AGL: variants seen among roughly 807,000 people sequenced by gnomAD.
The protein encoded by AGL is amylo-alpha-1,6-glucosidase and 4-alpha-glucanotransferase.
In AGL, 128 loss-of-function variants were observed where a neutral mutation model predicts 199.3. The ratio of observed to expected loss-of-function variants is 0.64; its 90% CI spans 0.56 to 0.74. The LOEUF (loss-of-function observed/expected upper bound fraction) is 0.74, where lower values mean the gene tolerates loss of function less well. Ranked by LOEUF, AGL falls within the 30% of genes least tolerant of loss-of-function variation. AGL has a pLI of 0.00. For missense variants in AGL, 1,809 were observed against 1,820.8 expected (o/e 0.99, Z 0.12); for synonymous variants, 584 against 594.7 (o/e 0.98, Z 0.26).
Position 99,874,777 on chromosome 1 carries a change from T to C in AGL, c.1049T>C (p.Met350Thr), listed in dbSNP as rs761122742. ...EYRRFGCTVD[M>T]NIALTTFIPH... The stretch of plus-strand genomic sequence containing the variant: ...AGACGGTTTGGCTGTACTGTAGATA[T>C]GAACATTGCACTAACGACTTTCATA... Residue 350 changes from methionine (M) to threonine (T), a missense_variant, in exon 8 of 34, where the codon ATG becomes ACG. By Grantham distance (81) the Met-to-Thr change is moderately conservative. Coordinates refer to ENST00000361915, the MANE Select transcript of AGL (RefSeq NM_000642.3). 2.2e-5 allele frequency: 35 copies of C among 1,613,824 alleles called. No homozygotes were observed. The highest frequency in any genetic ancestry group is 1.9e-4 in the South Asian group (17 of 91,082).
chr1:99,905,023 A>G (rs925428501), intron 27 of AGL, among the ~76,000 whole-genome samples: 7 of 152,196 alleles, frequency 4.6e-5, no homozygotes, highest in South Asian at 2.1e-4. Context: ...TATAGTAAGT[A>G]TATGTTTTGT....
chr1:99,900,939 TA>T, intron 26 of AGL, 78 bp downstream of exon 26: 1 of 1,236,230 alleles, frequency 8.1e-7, no homozygotes, highest in Non-Finnish European at 1.2e-6. Context: ...AATGTAAAAA[TA>T]AGGGTAATTA....
intron 2 of AGL, chr1:99,852,688 A>T (rs377021040): frequency 7.7e-6 from 6 of 780,238 alleles, no homozygotes; most frequent in Non-Finnish European, 1.4e-5. Context: ...AATTCTGAGC[A>T]TTAATTTATT....
Position 99,900,865 on chromosome 1 carries a change from A to T in AGL, c.3588+4A>T, listed in dbSNP as rs773996587. ...TCCTTTGCCTGCTGGCACACTGGTA[A>T]AGATATTTCTTAAAATGTTTTTTTG... is the stretch of plus-strand genomic sequence containing the variant. On this transcript the variant is annotated splice_donor_region_variant and intron_variant, in intron 26 of 33. Coordinates refer to ENST00000361915, the MANE Select transcript of AGL (RefSeq NM_000642.3). 19 of 1,593,912 alleles carry T rather than the reference A, an allele frequency of 1.2e-5. No individual in the cohort carries two copies. In the South Asian group the frequency reaches 2.0e-4, roughly 17 times the overall value.
At position 99,890,646 on chromosome 1, in the gene AGL, A is replaced by AT. The variant is rs201146666; in HGVS notation, c.2813-574_2813-573insT. 6.7e-4 allele frequency among the ~76,000 whole-genome samples: 75 copies of AT among 112,138 alleles called. 1 individual carries two copies. The highest frequency in any genetic ancestry group is 1.7e-3 in the Admixed American group (18 of 10,406). The allele number at this position is 112,138 out of a possible 152,430, so 73.6% of individuals were successfully genotyped here. A position where few individuals can be genotyped will look rare whatever the true frequency, so the allele number is the denominator to read the frequency against. ...TTGAAGACTAGAAGGATTAAGAAAA[A>AT]AAAAATATATATATATATACCTCAT... On this transcript the variant is annotated intron_variant, in intron 21 of 33. Coordinates refer to ENST00000361915, the MANE Select transcript of AGL (RefSeq NM_000642.3).
intron 3 of AGL, 79 bp from the exon 4 acceptor site, chr1:99,862,178 A>C (rs1188838707): frequency 6.9e-6 from 9 of 1,311,898 alleles, no homozygotes; most frequent in Non-Finnish European, 9.9e-6. Context: ...TTAACCTTTT[A>C]GTTAGAGTCA....
At chr1:99,873,898 C>A (rs1426686029) in intron 7 of AGL, among the ~76,000 whole-genome samples, 1 of 152,070 alleles carries the variant, frequency 6.6e-6, no homozygotes, top group Admixed American at 6.6e-5. Context: ...TTCAAAGTCT[C>A]TTTAGAATAA....
Position 99,922,602 on chromosome 1 carries a change from A to C in AGL, c.*951A>C, listed in dbSNP as rs575242984. The stretch of plus-strand genomic sequence containing the variant: ...ATCTTAAATTCAATAAAATCACTGG[A>C]AGTTTTTCATGATAACTTATTTTAA... On this transcript the variant is annotated 3_prime_UTR_variant, in exon 34 of 34. Coordinates refer to ENST00000361915, the MANE Select transcript of AGL (RefSeq NM_000642.3). 4 of 151,844 alleles carry C rather than the reference A, an allele frequency of 2.6e-5. No homozygotes were observed. Among genetic ancestry groups the C allele is most frequent in the African/African-American group, 9.6e-5 (4 of 41,540 alleles). The allele number at this position is 151,844 out of a possible 1,614,324, so 9.4% of individuals were successfully genotyped here.
At chr1:99,910,157 G>T (rs1434042345) in intron 27 of AGL, among the ~76,000 whole-genome samples, 1 of 152,100 alleles carries the variant, frequency 6.6e-6, no homozygotes. Context: ...TTGGGTAAGG[G>T]TGAAGTCTGG....
At chr1:99,852,534 TA>T in intron 2 of AGL, 1 of 592,274 alleles carries the variant, frequency 1.7e-6, no homozygotes, top group Non-Finnish European at 3.0e-6. Context: ...TATGCCCCGC[TA>T]ATTTTTTTTT....
chr1:99,901,431 A>G (rs1653831322), intron 26 of AGL, among the ~76,000 whole-genome samples: 1 of 149,608 alleles, frequency 6.7e-6, no homozygotes, highest in South Asian at 2.1e-4. Context: ...AGGGTTGCAT[A>G]GTGGATTGAA....
Position 99,891,117 on chromosome 1 carries a change from A to C in AGL, c.2813-103A>C, listed in dbSNP as rs685108. 1,804 of 1,440,100 alleles carry C rather than the reference A, an allele frequency of 1.3e-3. 18 individuals carry two copies. The African/African-American group carries it at 0.023, about 18-fold the overall frequency. The allele number at this position is 1,440,100 out of a possible 1,614,324, so 89.2% of individuals were successfully genotyped here. ...TTGTGTGTGCCTCTAATACGTATTC[A>C]CCCCAAATCACTAGAATAGAGACTA... is the stretch of plus-strand genomic sequence containing the variant. On this transcript the variant is annotated intron_variant, in intron 21 of 33. Transcript: ENST00000361915.
intron 7 of AGL, among the ~76,000 whole-genome samples, chr1:99,871,156 T>C (rs1463774040): frequency 1.3e-5 from 2 of 152,258 alleles, no homozygotes; most frequent in East Asian, 3.9e-4. Flanking sequence ...TTGTTAAATG[T>C]ATGAATGGGA....
In AGL at chr1:99,877,477, T is replaced by A. The variant is rs142107235; in HGVS notation, c.1424-164T>A. On this transcript the variant is annotated intron_variant, in intron 11 of 33. Coordinates refer to ENST00000361915, the MANE Select transcript of AGL (RefSeq NM_000642.3). Reference sequence around the variant, plus strand: ...AGAATAGCTATGAGAAATAAATAATTATTAATTTTTTAAAACATTATCTCA... The same window carrying A: ...AGAATAGCTATGAGAAATAAATAATAATTAATTTTTTAAAACATTATCTCA... 3.7e-3 allele frequency among the ~76,000 whole-genome samples: 563 copies of A among 152,290 alleles called. 6 individuals are homozygous for A. The highest frequency in any genetic ancestry group is 3.0e-3 in the Non-Finnish European group (202 of 68,024).
At chr1:99,915,296 A>T (rs1655030003) in intron 30 of AGL, 93 bp from the exon 31 acceptor site, 2 of 1,049,330 alleles carry the variant, frequency 1.9e-6, no homozygotes, top group East Asian at 2.4e-5. Flanking sequence ...TATTTTAAGT[A>T]ATTTTTTTCA....
At chr1:99,889,683 C>A (rs1035506491) in intron 21 of AGL, among the ~76,000 whole-genome samples, 7 of 152,124 alleles carry the variant, frequency 4.6e-5, no homozygotes, top group African/African-American at 1.7e-4. Flanking sequence ...TGTTAAACTA[C>A]TTCTAGTTCA....
At chr1:99,891,515 C>G in intron 22 of AGL, 91 bp from the exon 23 acceptor site, 1 of 1,532,626 alleles carries the variant, frequency 6.5e-7, no homozygotes, top group Non-Finnish European at 9.0e-7. Context: ...TTATAGATTA[C>G]TAGATAAAGT....
At chr1:99,891,090 C>G in intron 21 of AGL, 130 bp from the exon 22 acceptor site, 1 of 1,099,830 alleles carries the variant, frequency 9.1e-7, no homozygotes, top group African/African-American at 1.5e-5. Context: ...ACTGGGTAGC[C>G]CTTGTGTGTG....
intron 24 of AGL, among the ~76,000 whole-genome samples, chr1:99,894,548 T>C (rs1228309494): frequency 6.6e-6 from 1 of 152,182 alleles, no homozygotes; most frequent in Non-Finnish European, 1.5e-5. Flanking sequence ...TAAACCATAT[T>C]AATCATAAAT....
Sources: gnomAD v4.1 joint callset for allele counts (sites outside exome capture counted in the v4.1 genomes callset) on GRCh38, gnomAD v4.1.1 for gene constraint, MANE v1.5 for transcripts, NCBI Gene and HGNC (gene_info 2026-07-23, HGNC 2026-07-21) for gene names.